The following MELK variants were observed in gnomAD, a reference collection of about 807,000 sequenced individuals.
MELK encodes pEg3 kinase.
In MELK, 81 loss-of-function variants were observed where a neutral mutation model predicts 85.0. The observed-to-expected ratio is 0.95, with a 90% CI of 0.80 to 1.15. The LOEUF (loss-of-function observed/expected upper bound fraction) is 1.15, where lower values mean the gene tolerates loss of function less well. Among genes scored for constraint, MELK ranks in the 50% most tolerant of loss-of-function variants. MELK has a pLI of 0.00. For missense variants in MELK, 754 were observed against 777.5 expected (o/e 0.97, Z 0.36); for synonymous variants, 252 against 265.0 (o/e 0.95, Z 0.48).
At chr9:36,607,776 C>T in intron 8 of MELK, 103 bp downstream of exon 8, 1 of 850,304 alleles carries the variant, frequency 1.2e-6, no homozygotes, top group Non-Finnish European at 1.9e-6. Context: ...AAGTTATTCT[C>T]TGCTGTTAGA....
rs1250298771 is a variant in MELK at position 36,589,414 on chromosome 9, CG to C, written c.145-119del. On this transcript the variant is annotated intron_variant, in intron 3 of 17. Transcript: ENST00000298048. ...CCGCCCGCCTCGGCCTCCCAAAGTGCGGGATTACAGGTGTGAGCCACCGTGC... is the reference window on the plus strand; with the variant it reads ...CCGCCCGCCTCGGCCTCCCAAAGTGCGGATTACAGGTGTGAGCCACCGTGC... 8 of 707,934 alleles carry C rather than the reference CG, an allele frequency of 1.1e-5. No homozygotes were observed. In the African/African-American group the frequency reaches 1.2e-4, roughly 11 times the overall value. 43.9% of individuals were successfully genotyped at this position (707,934 alleles called of 1,614,324 possible). A position where few individuals can be genotyped will look rare whatever the true frequency, so the allele number is the denominator to read the frequency against.
intron 8 of MELK, among the ~76,000 whole-genome samples, chr9:36,613,857 T>A (rs937319378): frequency 2.0e-5 from 3 of 152,194 alleles, no homozygotes; most frequent in Non-Finnish European, 4.4e-5. Flanking sequence ...GGAGTCAAGC[T>A]GCTTTGGGCT....
intron 7 of MELK, among the ~76,000 whole-genome samples, chr9:36,606,572 A>C (rs142451614): frequency 0.016 from 2,200 of 141,242 alleles, 34 homozygotes; most frequent in Non-Finnish European, 0.025. Flanking sequence ...ATAATATATA[A>C]TATATACATA....
rs1587652697 is a variant in MELK at position 36,677,582 on chromosome 9, T to A, written c.*245T>A. ...ATGTGGTTTTGTATATTAATAATTG[T>A]TGACTTTCTTAGATTCACTTCCATA... On this transcript the variant is annotated 3_prime_UTR_variant, in exon 18 of 18. Coordinates refer to ENST00000298048, the MANE Select transcript of MELK (RefSeq NM_014791.4). The A allele has an allele frequency of 6.5e-6, 2 of 307,308 alleles. No homozygotes were observed. Among genetic ancestry groups the A allele is most frequent in the East Asian group, 1.1e-4 (2 of 17,582 alleles). The allele number at this position is 307,308 out of a possible 1,614,324, so 19.0% of individuals were successfully genotyped here. A position where few individuals can be genotyped will look rare whatever the true frequency, so the allele number is the denominator to read the frequency against.
chr9:36,575,854 G>A (rs946081340), intron 1 of MELK, among the ~76,000 whole-genome samples: 1 of 152,154 alleles, frequency 6.6e-6, no homozygotes, highest in African/African-American at 2.4e-5. Flanking sequence ...GTAAACATGT[G>A]CATTCAGATT....
chr9:36,604,831 C>T lies in MELK; in HGVS notation c.568-2744C>T, dbSNP rs574332330. On this transcript the variant is annotated intron_variant, in intron 7 of 17. Coordinates refer to ENST00000298048, the MANE Select transcript of MELK (RefSeq NM_014791.4). The stretch of plus-strand genomic sequence containing the variant: ...GCAAATTTTGTATTTTTAGTAGAGA[C>T]GGGGTTTCTCCATGTTGGTCAGGCT... Among the ~76,000 whole-genome samples, 20 of 152,142 alleles carry T rather than the reference C, an allele frequency of 1.3e-4. No individual in the cohort carries two copies. The East Asian group carries it at 2.3e-3, about 18-fold the overall frequency.
intron 1 of MELK, among the ~76,000 whole-genome samples, chr9:36,577,725 C>T (rs1311499715): frequency 6.6e-6 from 1 of 152,096 alleles, no homozygotes; most frequent in Non-Finnish European, 1.5e-5. Context: ...GATCTCGGCT[C>T]ACCGCAACCT....
chr9:36,641,227 CTG>C (rs1282018217), intron 10 of MELK, among the ~76,000 whole-genome samples: 2 of 152,196 alleles, frequency 1.3e-5, no homozygotes, highest in East Asian at 1.9e-4. Context: ...AGAATTATGA[CTG>C]TTGGTGAAAA....
At chr9:36,589,698 C>A in intron 4 of MELK, 46 bp downstream of exon 4, 5 of 1,357,952 alleles carry the variant, frequency 3.7e-6, no homozygotes, top group Middle Eastern at 1.8e-4. Flanking sequence ...ATCACTTTAT[C>A]AATAGTAAAA....
intron 10 of MELK, among the ~76,000 whole-genome samples, chr9:36,634,584 A>G (rs1031861075): frequency 2.0e-5 from 3 of 152,056 alleles, no homozygotes; most frequent in Non-Finnish European, 4.4e-5. Flanking sequence ...GGTAGTGCCT[A>G]TAATCCCAGG....
intron 17 of MELK, among the ~76,000 whole-genome samples, chr9:36,676,533 G>A (rs761966994): frequency 2.0e-4 from 31 of 152,022 alleles, no homozygotes; most frequent in African/African-American, 2.7e-4. Flanking sequence ...TAGATAATGC[G>A]GCAGTTCTAT....
intron 16 of MELK, among the ~76,000 whole-genome samples, chr9:36,673,125 G>C (rs1290145468): frequency 6.6e-6 from 1 of 152,106 alleles, no homozygotes; most frequent in Non-Finnish European, 1.5e-5. Flanking sequence ...AATTTAAGTA[G>C]ATAAATTAGG....
intron 8 of MELK, among the ~76,000 whole-genome samples, chr9:36,617,726 A>T (rs944061071): frequency 6.6e-6 from 1 of 152,104 alleles, no homozygotes; most frequent in Non-Finnish European, 1.5e-5. Context: ...AAAATGTTTA[A>T]ATGTTTGATT....
At chr9:36,600,542 C>T (rs1824811117) in intron 7 of MELK, among the ~76,000 whole-genome samples, 1 of 152,122 alleles carries the variant, frequency 6.6e-6, no homozygotes, top group Non-Finnish European at 1.5e-5. Flanking sequence ...CGCCACCACG[C>T]CTGGCTACTT....
In MELK at chr9:36,601,602, T is replaced by C. The variant is rs184334030; in HGVS notation, c.567+2116T>C. Among the ~76,000 whole-genome samples, 23 of 152,334 alleles carry C rather than the reference T, an allele frequency of 1.5e-4. No homozygotes were observed. In the East Asian group the frequency reaches 4.0e-3, roughly 27 times the overall value. ...TACACATAACATAAAATTTACCATC[T>C]TAACTGTTTTAAAATGTATAGTTTA... On this transcript the variant is annotated intron_variant, in intron 7 of 17. Transcript: ENST00000298048.
chr9:36,666,889 G>A (rs1352031863), intron 14 of MELK, among the ~76,000 whole-genome samples: 1 of 148,816 alleles, frequency 6.7e-6, no homozygotes. Context: ...GTGTGTGTGT[G>A]TGTGTGTGTG....
intron 3 of MELK, among the ~76,000 whole-genome samples, chr9:36,585,493 G>A (rs1343013625): frequency 6.6e-6 from 1 of 151,868 alleles, no homozygotes; most frequent in Non-Finnish European, 1.5e-5. Flanking sequence ...TTTCAGTAGA[G>A]ACAGGATTTC....
intron 8 of MELK, among the ~76,000 whole-genome samples, chr9:36,620,167 A>G (rs959221431): frequency 2.0e-5 from 3 of 152,192 alleles, no homozygotes; most frequent in Non-Finnish European, 4.4e-5. Flanking sequence ...TATAACCACA[A>G]TGAAATATTG....
At chr9:36,603,437 C>CTT (rs35162618) in intron 7 of MELK, among the ~76,000 whole-genome samples, 2 of 145,776 alleles carry the variant, frequency 1.4e-5, no homozygotes, top group Non-Finnish European at 1.5e-5. Flanking sequence ...ATTATTTTAT[C>CTT]TTTTTTTTTT....
Sources: allele counts gnomAD v4.1 joint callset (sites outside exome capture counted in the v4.1 genomes callset), GRCh38; gene constraint gnomAD v4.1.1; transcripts MANE v1.5; gene names NCBI Gene and HGNC (gene_info 2026-07-23, HGNC 2026-07-21).